HSF2BP: variants seen among roughly 807,000 people sequenced by gnomAD.
The protein encoded by HSF2BP is heat shock transcription factor 2 binding protein.
In HSF2BP, 35 loss-of-function variants were observed where a neutral mutation model predicts 35.0. That is an observed-to-expected ratio of 1.00 (90% CI 0.76 to 1.32). The LOEUF (loss-of-function observed/expected upper bound fraction) is 1.32, where lower values mean the gene tolerates loss of function less well. Ranked by LOEUF, HSF2BP falls within the 40% of genes most tolerant of loss-of-function variation. The probability of loss-of-function intolerance (pLI) is 0.00; values close to 1 mark genes in which losing one functional copy is unlikely to be tolerated. For missense variants in HSF2BP, 326 were observed against 321.7 expected, an observed-to-expected ratio of 1.01 and a Z score of -0.10; for synonymous variants, 114 against 117.4, an observed-to-expected ratio of 0.97 and a Z score of 0.18.
intron 7 of HSF2BP, among the ~76,000 whole-genome samples, chr21:43,612,804 TA>T (rs1389175326): frequency 1.3e-5 from 2 of 152,008 alleles, no homozygotes; most frequent in Non-Finnish European, 1.5e-5. Context: ...TCGGTCTCTT[TA>T]AAAAAATAAT....
At chr21:43,641,240 C>A (rs1224505141) in intron 4 of HSF2BP, among the ~76,000 whole-genome samples, 2 of 152,104 alleles carry the variant, frequency 1.3e-5, no homozygotes, top group Non-Finnish European at 2.9e-5. Flanking sequence ...ACCTTATGAT[C>A]CGCCCACCTC....
At chr21:43,580,516 A>T (rs1377205186) in intron 8 of HSF2BP, among the ~76,000 whole-genome samples, 1 of 152,276 alleles carries the variant, frequency 6.6e-6, no homozygotes, top group African/African-American at 2.4e-5. Context: ...CAAAGAAAAC[A>T]GTCCCAGCAT....
intron 2 of HSF2BP, among the ~76,000 whole-genome samples, chr21:43,657,563 G>A (rs75361275): frequency 2.6e-5 from 4 of 152,360 alleles, no homozygotes; most frequent in Non-Finnish European, 2.9e-5. Flanking sequence ...ACGGGAGCTA[G>A]ATGACTCTCA....
intron 5 of HSF2BP, among the ~76,000 whole-genome samples, chr21:43,631,363 C>T (rs1048190626): frequency 5.9e-5 from 9 of 152,176 alleles, no homozygotes; most frequent in South Asian, 2.1e-4. Flanking sequence ...CTCCAGGTGC[C>T]CACTCTGCCC....
chr21:43,589,818 C>T (rs566415857), intron 8 of HSF2BP, among the ~76,000 whole-genome samples: 6 of 151,798 alleles, frequency 4.0e-5, no homozygotes, highest in Non-Finnish European at 7.4e-5. Flanking sequence ...TGCAAAAAAA[C>T]AAAGCAAACG....
At chr21:43,600,479 A>C (rs866471847) in intron 7 of HSF2BP, among the ~76,000 whole-genome samples, 1 of 152,232 alleles carries the variant, frequency 6.6e-6, no homozygotes, top group Non-Finnish European at 1.5e-5. Context: ...ATGTAATTTG[A>C]GAAAGCAATT....
intron 8 of HSF2BP, among the ~76,000 whole-genome samples, chr21:43,587,158 A>G (rs2081861879): frequency 6.6e-6 from 1 of 152,174 alleles, no homozygotes; most frequent in Non-Finnish European, 1.5e-5. Context: ...TTCACCTTCT[A>G]AAACACATAT....
chr21:43,631,223 A>G (rs1401493851), intron 5 of HSF2BP, among the ~76,000 whole-genome samples: 1 of 152,196 alleles, frequency 6.6e-6, no homozygotes, highest in South Asian at 2.1e-4. Context: ...CACAACTGTT[A>G]TTTCTATTAG....
chr21:43,657,054 C>T (rs1051583911), intron 2 of HSF2BP, among the ~76,000 whole-genome samples: 6 of 152,078 alleles, frequency 3.9e-5, no homozygotes, highest in African/African-American at 9.7e-5. Context: ...ATGGAGAGAC[C>T]CTGTCACTAC....
chr21:43,627,001 G>C (rs1287858605), intron 6 of HSF2BP, among the ~76,000 whole-genome samples: 1 of 152,018 alleles, frequency 6.6e-6, no homozygotes, highest in African/African-American at 2.4e-5. Flanking sequence ...CTGAGTAGCT[G>C]GGATTACAGG....
the HSF2BP span, among the ~76,000 whole-genome samples, chr21:43,468,123 A>C: frequency 2.6e-4 from 28 of 106,290 alleles, no homozygotes; most frequent in African/African-American, 3.6e-4. Context: ...ACACACCACA[A>C]ACCACACACA....
intron 7 of HSF2BP, among the ~76,000 whole-genome samples, chr21:43,593,877 G>GA (rs1021953358): frequency 1.3e-5 from 2 of 151,780 alleles, no homozygotes; most frequent in South Asian, 2.1e-4. Flanking sequence ...AAGAATGAAG[G>GA]AAAAAAATGT....
chr21:43,657,884 C>T (rs2082898411), intron 2 of HSF2BP, 177 bp downstream of exon 2: 3 of 985,374 alleles, frequency 3.0e-6, no homozygotes, highest in Non-Finnish European at 3.6e-6. Context: ...GAAGTCGCCT[C>T]CCGCCCCAGG....
rs931975908 is a variant in HSF2BP, at chr21:43,659,171, C to A, written c.-225+215G>T. On this transcript the variant is annotated intron_variant, in intron 1 of 8. Coordinates refer to ENST00000291560, the MANE Select transcript of HSF2BP (RefSeq NM_007031.2). This position sits in a 1 kb window ranked among gnomAD's most constrained non-coding sequence, Gnocchi z 4.2. Reference sequence around the variant, plus strand: ...AAATAGTGGGGCGTGATGGCGCGCGCCTGTAGTCTCAGCTACTTGGGCGGT... The same window carrying A: ...AAATAGTGGGGCGTGATGGCGCGCGACTGTAGTCTCAGCTACTTGGGCGGT... Among the ~76,000 whole-genome samples the A allele has an allele frequency of 8.6e-5, 13 of 152,026 alleles. No individual in the cohort carries two copies. The highest frequency in any genetic ancestry group is 5.2e-4 in the Admixed American group (8 of 15,276).
rs556877996 is a variant in HSF2BP at position 43,598,522 on chromosome 21, G to A, written c.693-6194C>T. Among the ~76,000 whole-genome samples the A allele has an allele frequency of 1.6e-4, 24 of 151,778 alleles. No individual in the cohort carries two copies. In the East Asian group the frequency reaches 4.1e-3, roughly 26 times the overall value. ...CAGGCATGAGCCACCATCCCTGGCC[G>A]ACCATGGGTACTTTCAAAGTCCCTG... On this transcript the variant is annotated intron_variant, in intron 7 of 8. Coordinates refer to ENST00000291560, the MANE Select transcript of HSF2BP (RefSeq NM_007031.2).
chr21:43,607,605 C>T (rs904654986), intron 7 of HSF2BP, among the ~76,000 whole-genome samples: 3 of 152,140 alleles, frequency 2.0e-5, no homozygotes, highest in African/African-American at 7.2e-5. Context: ...TTCTAAAATT[C>T]TTATAGAACC....
At chr21:43,625,249 C>A (rs1462308418) in intron 6 of HSF2BP, among the ~76,000 whole-genome samples, 1 of 151,958 alleles carries the variant, frequency 6.6e-6, no homozygotes, top group Non-Finnish European at 1.5e-5. Context: ...ATCAGCCAAC[C>A]AATCTGAAAA....
chr21:43,636,469 C>T (rs554551684), intron 4 of HSF2BP, among the ~76,000 whole-genome samples: 5 of 152,168 alleles, frequency 3.3e-5, no homozygotes, highest in Admixed American at 6.5e-5. Context: ...TAAAAAGACA[C>T]GCCACAGGCT....
chr21:43,637,130 T>TAAAAAAGA (rs369751452), intron 4 of HSF2BP, among the ~76,000 whole-genome samples: 3 of 150,670 alleles, frequency 2.0e-5, no homozygotes, highest in Non-Finnish European at 4.4e-5. Context: ...ATCTATAAAA[T>TAAAAAAGA]AAAAAAGAAA....
Sources: allele counts gnomAD v4.1 joint callset (sites outside exome capture counted in the v4.1 genomes callset), GRCh38; gene constraint gnomAD v4.1.1; non-coding constraint Gnocchi (gnomAD v3.1); transcripts MANE v1.5; gene names NCBI Gene and HGNC (gene_info 2026-07-23, HGNC 2026-07-21).